Variants in RCAN1 observed in about 807,000 individuals in gnomAD.
RCAN1 encodes calcipressin-1.
In RCAN1, 11 loss-of-function variants were observed where a neutral mutation model predicts 22.9. The observed-to-expected ratio is 0.48, with a 90% CI of 0.30 to 0.79. The LOEUF (loss-of-function observed/expected upper bound fraction) is 0.79. RCAN1 is among the 30% of genes least tolerant of loss of function. The pLI is 0.06. For missense variants in RCAN1, 291 were observed against 337.8 expected, an observed-to-expected ratio of 0.86 and a Z score of 1.09; for synonymous variants, 136 against 142.3, an observed-to-expected ratio of 0.96 and a Z score of 0.32.
chr21:34,596,522 C>T (rs1404893360), intron 1 of RCAN1, among the ~76,000 whole-genome samples: 1 of 152,130 alleles, frequency 6.6e-6, no homozygotes, highest in African/African-American at 2.4e-5. Flanking sequence ...AGGGCCTTCT[C>T]GAAGGCTCTG....
chr21:34,605,619 T>A (rs1199575756), intron 1 of RCAN1, among the ~76,000 whole-genome samples: 2 of 152,152 alleles, frequency 1.3e-5, no homozygotes, highest in Non-Finnish European at 2.9e-5. Context: ...ATTAATGCCA[T>A]GCTTTAAGAT....
intron 1 of RCAN1, chr21:34,525,125 G>A (rs1408384273): frequency 2.6e-6 from 4 of 1,550,500 alleles, no homozygotes; most frequent in Non-Finnish European, 3.5e-6. Context: ...TCTCTGCAGT[G>A]GGAGCGAGGA....
rs943816866 is a variant in RCAN1 at position 34,518,820 on chromosome 21, C to T, written c.587-564G>A. Among the ~76,000 whole-genome samples, 16 of 152,166 alleles carry T rather than the reference C, an allele frequency of 1.1e-4. No homozygotes were observed. Among genetic ancestry groups the T allele is most frequent in the Non-Finnish European group, 2.2e-4 (15 of 68,026 alleles). On this transcript the variant is annotated intron_variant, in intron 3 of 3. Coordinates refer to ENST00000313806, the MANE Select transcript of RCAN1 (RefSeq NM_004414.7). This position sits in a 1 kb window ranked among gnomAD's most constrained non-coding sequence, Gnocchi z 4.2. ...CTTTTCCTTAGAACAACTTCTAATCCCCGGGACCAGGAGTGTCCTGCTGTT... is the reference window on the plus strand; with the variant it reads ...CTTTTCCTTAGAACAACTTCTAATCTCCGGGACCAGGAGTGTCCTGCTGTT...
chr21:34,613,758 C>A, intron 1 of RCAN1: 1 of 1,484,476 alleles, frequency 6.7e-7, no homozygotes, highest in Non-Finnish European at 9.1e-7. Flanking sequence ...AGTAAGTGAA[C>A]ATATAAATTA....
intron 1 of RCAN1, among the ~76,000 whole-genome samples, chr21:34,550,840 T>C (rs1191460415): frequency 6.6e-6 from 1 of 152,194 alleles, no homozygotes; most frequent in African/African-American, 2.4e-5. Flanking sequence ...AGGAATGTAA[T>C]GAATGTAGCT....
At position 34,614,344 on chromosome 21, in the gene RCAN1, A is replaced by T; in HGVS notation, c.252+416T>A. The stretch of plus-strand genomic sequence containing the variant: ...CAGGGACGTCGTCCTATTTATGAAC[A>T]CTGAGTCACGTCGCCGCTCAATGTC... On this transcript the variant is annotated intron_variant, in intron 1 of 3. Transcript: ENST00000313806. The surrounding 1 kb of genome is among the most constrained non-coding windows in gnomAD (Gnocchi z 6.0). The T allele has an allele frequency of 1.0e-6, 1 of 990,410 alleles. No individual in the cohort carries two copies. The highest frequency in any genetic ancestry group is 1.2e-6 in the Non-Finnish European group (1 of 833,390). The allele number at this position is 990,410 out of a possible 1,614,324, so 61.4% of individuals were successfully genotyped here. A position where few individuals can be genotyped will look rare whatever the true frequency, so the allele number is the denominator to read the frequency against.
intron 1 of RCAN1, among the ~76,000 whole-genome samples, chr21:34,565,550 T>C (rs57941926): frequency 0.18 from 27,459 of 152,132 alleles, 2,891 homozygotes; most frequent in South Asian, 0.25. Flanking sequence ...TACACAGGAG[T>C]ACAGCCATAA....
Position 34,528,335 on chromosome 21 carries a change from C to T in RCAN1, c.253-4625G>A, listed in dbSNP as rs137987996. Among the ~76,000 whole-genome samples, 7 of 152,308 alleles carry T rather than the reference C, an allele frequency of 4.6e-5. No individual in the cohort carries two copies. The East Asian group carries it at 1.3e-3, about 29-fold the overall frequency. ...TGTTGCTTAATTTCAACGCACTGTG[C>T]CTTGCTGCCAACTGTAGAGTTATGT... On this transcript the variant is annotated intron_variant, in intron 1 of 3. Coordinates refer to ENST00000313806, the MANE Select transcript of RCAN1 (RefSeq NM_004414.7).
intron 1 of RCAN1, among the ~76,000 whole-genome samples, chr21:34,567,292 C>T (rs745421938): frequency 3.3e-5 from 5 of 152,252 alleles, no homozygotes; most frequent in East Asian, 1.9e-4. Flanking sequence ...TCAGGAGAAT[C>T]GAGACCATCC....
intron 1 of RCAN1, among the ~76,000 whole-genome samples, chr21:34,611,493 TA>T (rs1988686536): frequency 6.6e-6 from 1 of 152,214 alleles, no homozygotes. Flanking sequence ...AAAAGAATTC[TA>T]GTTCAGGTTA....
At position 34,606,932 on chromosome 21, in the gene RCAN1, A is replaced by T. The variant is rs116097035; in HGVS notation, c.252+7828T>A. On this transcript the variant is annotated intron_variant, in intron 1 of 3. Transcript: ENST00000313806. ...CCTAATCTGTGTTTTTTGTTATGGC[A>T]GCCTGAGAAGATTAATAATACAGTG... Among the ~76,000 whole-genome samples the T allele has an allele frequency of 3.0e-3, 461 of 152,352 alleles. 1 individual carries two copies. The highest frequency in any genetic ancestry group is 0.011 in the African/African-American group (438 of 41,582).
At chr21:34,525,176 G>A in intron 1 of RCAN1, 1 of 1,550,620 alleles carries the variant, frequency 6.4e-7, no homozygotes, top group South Asian at 1.2e-5. Context: ...AATGTTCACT[G>A]CTAGCAAGCG....
rs750252221 is a variant in RCAN1 at position 34,521,415 on chromosome 21, G to A, written c.586+84C>T. 32 of 1,604,840 alleles carry A rather than the reference G, an allele frequency of 2.0e-5. No homozygotes were observed. The South Asian group carries it at 2.4e-4, about 12-fold the overall frequency. ...GCCGGCATGGGCTCAGGAGAGCTAC[G>A]GGGGTAGTGGTGGTACTGCTCCCTG... On this transcript the variant is annotated intron_variant, in intron 3 of 3. Transcript: ENST00000313806.
chr21:34,552,489 C>T (rs963191428), intron 1 of RCAN1, among the ~76,000 whole-genome samples: 2 of 152,202 alleles, frequency 1.3e-5, no homozygotes, highest in African/African-American at 4.8e-5. Context: ...CAGGTTACCA[C>T]AAACGGCAAA....
intron 3 of RCAN1, among the ~76,000 whole-genome samples, chr21:34,519,951 G>C (rs1221724624): frequency 6.6e-6 from 1 of 152,180 alleles, no homozygotes; most frequent in Non-Finnish European, 1.5e-5. Context: ...GAGAATTCAG[G>C]CATGGGAGGT....
chr21:34,558,480 C>A (rs1418231774), intron 1 of RCAN1, among the ~76,000 whole-genome samples: 1 of 152,130 alleles, frequency 6.6e-6, no homozygotes, highest in Non-Finnish European at 1.5e-5. Context: ...AGGAAATGAT[C>A]AAGAAGAAAA....
At chr21:34,539,996 G>T (rs1001375540) in intron 1 of RCAN1, among the ~76,000 whole-genome samples, 3 of 152,126 alleles carry the variant, frequency 2.0e-5, no homozygotes, top group African/African-American at 7.2e-5. Context: ...TCTTGTCACT[G>T]CCATGTCCCT....
At chr21:34,597,872 C>G (rs1326343368) in intron 1 of RCAN1, among the ~76,000 whole-genome samples, 1 of 152,070 alleles carries the variant, frequency 6.6e-6, no homozygotes, top group Non-Finnish European at 1.5e-5. Flanking sequence ...ATAATCTTCT[C>G]TATATAGAGG....
intron 1 of RCAN1, among the ~76,000 whole-genome samples, chr21:34,535,113 TA>T (rs1423918841): frequency 1.3e-5 from 2 of 152,354 alleles, no homozygotes; most frequent in East Asian, 3.9e-4. Context: ...GCAGATGTAC[TA>T]AAAAATCTTC....
Sources: gnomAD v4.1 joint callset for allele counts (sites outside exome capture counted in the v4.1 genomes callset) on GRCh38, gnomAD v4.1.1 for gene constraint, Gnocchi (gnomAD v3.1) non-coding constraint, MANE v1.5 for transcripts, NCBI Gene and HGNC (gene_info 2026-07-23, HGNC 2026-07-21) for gene names.